RERE: variants seen among roughly 807,000 people sequenced by gnomAD.
RERE encodes arginine-glutamic acid dipeptide repeats, also known as arginine-glutamic acid dipeptide repeats protein.
In RERE, 40 loss-of-function variants were observed where a neutral mutation model predicts 146.1. The observed-to-expected ratio is 0.27, with a 90% CI of 0.21 to 0.36. The LOEUF is 0.36. RERE is among the 10% of genes least tolerant of loss of function. The pLI is 1.00. For synonymous variants in RERE, 1,003 were observed against 866.0 expected (o/e 1.16, Z -2.78); for missense variants, 1,933 against 2,138.7 (o/e 0.90, Z 1.90).
intron 10 of RERE, among the ~76,000 whole-genome samples, chr1:8,472,322 T>G (rs1433670891): frequency 2.0e-5 from 3 of 152,208 alleles, no homozygotes; most frequent in African/African-American, 7.2e-5. Flanking sequence ...AAACATTACG[T>G]AGATTTCAAA....
intron 7 of RERE, among the ~76,000 whole-genome samples, chr1:8,511,368 A>C (rs1468583843): frequency 6.6e-6 from 1 of 152,246 alleles, no homozygotes; most frequent in Non-Finnish European, 1.5e-5. Context: ...CTTATTTAAA[A>C]ATCCCTCTTT....
At chr1:8,783,691 CAT>C (rs1641207910) in intron 1 of RERE, among the ~76,000 whole-genome samples, 1 of 152,162 alleles carries the variant, frequency 6.6e-6, no homozygotes, top group Admixed American at 6.5e-5. Context: ...CAAATCACAT[CAT>C]GTCACTTCTT....
At chr1:8,605,728 G>C (rs181609308) in intron 4 of RERE, among the ~76,000 whole-genome samples, 9 of 103,310 alleles carry the variant, frequency 8.7e-5, no homozygotes, top group African/African-American at 3.5e-4. Flanking sequence ...CTGGGCAACA[G>C]AGCAAGACCC....
intron 10 of RERE, among the ~76,000 whole-genome samples, chr1:8,473,601 T>G (rs1377352331): frequency 1.3e-5 from 2 of 152,224 alleles, no homozygotes; most frequent in East Asian, 1.9e-4. Flanking sequence ...TCTCAGTAAC[T>G]AACTCTGGGT....
At chr1:8,642,593 C>T (rs1050677187) in intron 2 of RERE, among the ~76,000 whole-genome samples, 3 of 152,038 alleles carry the variant, frequency 2.0e-5, no homozygotes, top group African/African-American at 4.8e-5. Context: ...AAGATATTAA[C>T]GAGTTTATAA....
chr1:8,646,030 CAACT>C (rs759768929), intron 2 of RERE, among the ~76,000 whole-genome samples: 104 of 151,916 alleles, frequency 6.8e-4, no homozygotes, highest in Non-Finnish European at 1.1e-3. Flanking sequence ...CAAAGACATA[CAACT>C]AAGAGAACTG....
intron 8 of RERE, among the ~76,000 whole-genome samples, chr1:8,507,740 T>TTTTTTC (rs1645275259): frequency 8.0e-6 from 1 of 124,566 alleles, no homozygotes; most frequent in African/African-American, 3.3e-5. Context: ...CTTTTATCTT[T>TTTTTTC]TTTTTTTTTT....
At chr1:8,650,463 A>G (rs566676960) in intron 2 of RERE, among the ~76,000 whole-genome samples, 19 of 152,304 alleles carry the variant, frequency 1.2e-4, no homozygotes, top group Non-Finnish European at 2.4e-4. Flanking sequence ...GAAATAAATG[A>G]GTATTAAAGA....
intron 1 of RERE, among the ~76,000 whole-genome samples, chr1:8,789,301 A>AAAAAAAAAAAAATATATATATATATAT: frequency 1.6e-4 from 4 of 24,796 alleles, no homozygotes; most frequent in African/African-American, 2.3e-4. Context: ...AAAAAAAAAA[A>AAAAAAAAAAAAATATATATATATATAT]ATATATATAT....
Position 8,360,373 on chromosome 1 carries a change from G to A in RERE, c.3134C>T (p.Pro1045Leu). 6.9e-6 allele frequency: 10 copies of A among 1,457,742 alleles called. No individual in the cohort carries two copies. The highest frequency in any genetic ancestry group is 9.1e-6 in the Non-Finnish European group (10 of 1,103,110). 90.3% of individuals were successfully genotyped at this position (1,457,742 alleles called of 1,614,324 possible). The change falls in exon 18 of 23, where the codon CCT (proline) becomes CTT (leucine). Residue 1045 changes from proline (P) to leucine (L), a missense_variant. Transcript: ENST00000400908. The part of the protein sequence containing the change: ...AQHPFVPGGP[P>L]PITPPTCPST... The stretch of plus-strand genomic sequence containing the variant: ...GGGGCAGGTCGGAGGGGTGATGGGA[G>A]GAGGGCCTCCAGGGACAAAGGGGTG...
chr1:8,439,609 G>A (rs1644218811), intron 11 of RERE, among the ~76,000 whole-genome samples: 5 of 152,234 alleles, frequency 3.3e-5, no homozygotes, highest in Non-Finnish European at 1.5e-5. Context: ...TTCTCCCTCA[G>A]ATGGAAAGGA....
At chr1:8,775,380 T>C (rs781721848) in intron 1 of RERE, among the ~76,000 whole-genome samples, 18 of 152,184 alleles carry the variant, frequency 1.2e-4, no homozygotes, top group Admixed American at 6.5e-5. Context: ...AAGACCAGCC[T>C]GGGCAAGAAA....
At position 8,361,832 on chromosome 1, in the gene RERE, G is replaced by A. The variant is rs1215251453; in HGVS notation, c.1947C>T (p.Arg649=). 2 of 1,614,094 alleles carry A rather than the reference G, an allele frequency of 1.2e-6. No homozygotes were observed. The highest frequency in any genetic ancestry group is 1.7e-6 in the Non-Finnish European group (2 of 1,179,948). Residue 649 remains arginine (R), a synonymous_variant, in exon 17 of 23, where the codon CGC becomes CGT. Coordinates refer to ENST00000400908, the MANE Select transcript of RERE (RefSeq NM_001042681.2). ...EASSPLKSNK[R]QREKVASDTE... The stretch of plus-strand genomic sequence containing the variant: ...TATCAGAGGCCACCTTCTCCCGCTG[G>A]CGTTTGTTACTCTTAAGAGGGGAAG...
At chr1:8,688,215 A>T (rs1268553581) in intron 1 of RERE, among the ~76,000 whole-genome samples, 1 of 152,224 alleles carries the variant, frequency 6.6e-6, no homozygotes. Context: ...AGTCAGGAGG[A>T]TCGCTTGAAC....
intron 7 of RERE, among the ~76,000 whole-genome samples, chr1:8,513,264 A>G (rs1314236431): frequency 6.6e-6 from 1 of 152,256 alleles, no homozygotes; most frequent in East Asian, 1.9e-4. Flanking sequence ...ATAACAATAT[A>G]CATATTCTTA....
chr1:8,646,360 C>T (rs975671524), intron 2 of RERE, among the ~76,000 whole-genome samples: 1 of 151,988 alleles, frequency 6.6e-6, no homozygotes, highest in African/African-American at 2.4e-5. Context: ...AACAAGATCC[C>T]TTCTCTAAAA....
intron 4 of RERE, among the ~76,000 whole-genome samples, chr1:8,564,149 C>A (rs1486324051): frequency 6.6e-6 from 1 of 152,156 alleles, no homozygotes; most frequent in Non-Finnish European, 1.5e-5. Context: ...TTCCTGACTT[C>A]AAGGGAGAAG....
intron 10 of RERE, among the ~76,000 whole-genome samples, chr1:8,471,563 T>C (rs1279599704): frequency 1.3e-5 from 2 of 149,196 alleles, no homozygotes; most frequent in African/African-American, 2.5e-5. Context: ...TTGCCTGAGC[T>C]AGAGTGCAAT....
At chr1:8,427,698 C>A (rs946149456) in intron 11 of RERE, among the ~76,000 whole-genome samples, 2 of 149,184 alleles carry the variant, frequency 1.3e-5, no homozygotes, top group African/African-American at 4.9e-5. Context: ...TGTTACTTCT[C>A]TATGGAAAGC....
Sources: allele counts gnomAD v4.1 joint callset (sites outside exome capture counted in the v4.1 genomes callset), GRCh38; gene constraint gnomAD v4.1.1; transcripts MANE v1.5; gene names NCBI Gene and HGNC (gene_info 2026-07-23, HGNC 2026-07-21).